The following GIPR variants were observed in gnomAD, a reference collection of about 807,000 sequenced individuals.
GIPR encodes the protein gastric inhibitory polypeptide receptor.
In GIPR, 74 loss-of-function variants were observed where a neutral mutation model predicts 62.2. That is an observed-to-expected ratio of 1.19 (90% CI 0.99 to 1.44). The LOEUF (loss-of-function observed/expected upper bound fraction) is 1.44, where lower values mean the gene tolerates loss of function less well. Among genes scored for constraint, GIPR ranks in the 40% most tolerant of loss-of-function variants. The probability of loss-of-function intolerance (pLI) is 0.00; values close to 1 mark genes in which losing one functional copy is unlikely to be tolerated. For synonymous variants in GIPR, 256 were observed against 262.2 expected, an observed-to-expected ratio of 0.98 and a Z score of 0.23; for missense variants, 664 against 611.8, an observed-to-expected ratio of 1.09 and a Z score of -0.90.
chr19:45,672,946 G>T lies in GIPR; in HGVS notation c.376G>T (p.Ala126Ser), dbSNP rs770058765. Residue 126 changes from alanine (A) to serine (S), a missense_variant, in exon 5 of 14, where the codon GCC becomes TCC. Transcript: ENST00000590918. ...TQCENPEKNE[A>S]FLDQRLILER... ...ATGTGAGAACCCAGAGAAGAATGAGGCCTTTCTGGTAAGAAGAGGTGAGGG... is the reference window on the plus strand; with the variant it reads ...ATGTGAGAACCCAGAGAAGAATGAGTCCTTTCTGGTAAGAAGAGGTGAGGG... 1.9e-6 allele frequency: 3 copies of T among 1,585,200 alleles called. No individual in the cohort carries two copies. The highest frequency in any genetic ancestry group is 2.6e-6 in the Non-Finnish European group (3 of 1,153,656).
intron 1 of GIPR, 123 bp from the exon 2 acceptor site, chr19:45,669,354 T>C: frequency 3.2e-6 from 3 of 941,388 alleles, no homozygotes; most frequent in Non-Finnish European, 4.8e-6. Flanking sequence ...GTGCGCTGCC[T>C]CGGAGTCCCG....
intron 12 of GIPR, among the ~76,000 whole-genome samples, chr19:45,679,770 C>T (rs1447415575): frequency 1.4e-5 from 2 of 145,894 alleles, no homozygotes; most frequent in Non-Finnish European, 3.1e-5. Flanking sequence ...TCACACTTGA[C>T]TAATTTTTTT....
intron 12 of GIPR, among the ~76,000 whole-genome samples, chr19:45,680,176 A>G (rs1967152052): frequency 6.6e-6 from 1 of 152,132 alleles, no homozygotes; most frequent in Admixed American, 6.6e-5. Context: ...AGCGTGACCA[A>G]CATGGAGAAA....
At position 45,683,139 on chromosome 19, in the gene GIPR, G is replaced by A. The variant is rs2146109109; in HGVS notation, c.*1204G>A. On this transcript the variant is annotated 3_prime_UTR_variant, in exon 14 of 14. Transcript: ENST00000590918. ...TAGAGAGATTGGGTTCGGGTAGGGG[G>A]AGAACCACGTGTGCTCTTTGGAAAG... 1 of 152,838 alleles carries A rather than the reference G, an allele frequency of 6.5e-6. No individual in the cohort carries two copies. Among genetic ancestry groups the A allele is most frequent in the South Asian group, 2.1e-4 (1 of 4,830 alleles). 9.5% of individuals were successfully genotyped at this position (152,838 alleles called of 1,614,324 possible). A position where few individuals can be genotyped will look rare whatever the true frequency, so the allele number is the denominator to read the frequency against.
At chr19:45,670,609 G>A (rs755998511) in intron 2 of GIPR, 26 bp from the exon 3 acceptor site, 2 of 1,546,562 alleles carry the variant, frequency 1.3e-6, no homozygotes, top group African/African-American at 1.4e-5. Flanking sequence ...CGGTCTGGGG[G>A]GGTCCTCCCT....
intron 4 of GIPR, among the ~76,000 whole-genome samples, chr19:45,671,733 G>A (rs140443876): frequency 2.6e-5 from 4 of 152,194 alleles, no homozygotes; most frequent in African/African-American, 9.6e-5. Context: ...CCGAGAAGCC[G>A]GGATTACAGA....
chr19:45,674,822 A>G lies in GIPR; in HGVS notation c.629A>G (p.Asn210Ser). 1 of 1,613,790 alleles carries G rather than the reference A, an allele frequency of 6.2e-7. No individual in the cohort carries two copies. Among genetic ancestry groups the G allele is most frequent in the Non-Finnish European group, 8.5e-7 (1 of 1,179,846 alleles). Reference sequence around the variant, plus strand: ...GGGGACCAGGCCCTTGCGCTGTGGAACCAGGTGGGCATCCTCCTTCCGTTC... The same window carrying G: ...GGGGACCAGGCCCTTGCGCTGTGGAGCCAGGTGGGCATCCTCCTTCCGTTC... ...YLGDQALALW[N>S]QALAACRTAQ... Residue 210 changes from asparagine (N) to serine (S), a missense_variant, in exon 7 of 14, where the codon AAC becomes AGC. Coordinates refer to ENST00000590918, the MANE Select transcript of GIPR (RefSeq NM_000164.4).
intron 4 of GIPR, 83 bp from the exon 5 acceptor site, chr19:45,672,766 CCT>C (rs1490624412): frequency 3.8e-6 from 3 of 796,080 alleles, no homozygotes; most frequent in Admixed American, 1.9e-5. Context: ...CGGCTCTCTC[CCT>C]CTCTGTTATT....
chr19:45,677,276 G>A, intron 8 of GIPR, 47 bp from the exon 9 acceptor site: 1 of 1,421,166 alleles, frequency 7.0e-7, no homozygotes, highest in Non-Finnish European at 9.6e-7. Context: ...CCGTGAGCGC[G>A]CTGACAGCTG....
At chr19:45,676,868 G>A in intron 7 of GIPR, 81 bp from the exon 8 acceptor site, 5 of 1,266,982 alleles carry the variant, frequency 3.9e-6, no homozygotes, top group South Asian at 1.2e-5. Context: ...AGACGGGGTG[G>A]AAGGGCGATC....
At chr19:45,670,763 G>A (rs763260665) in intron 3 of GIPR, 29 bp downstream of exon 3, 5 of 1,364,946 alleles carry the variant, frequency 3.7e-6, no homozygotes, top group Non-Finnish European at 5.2e-6. Context: ...GGGACGCGGG[G>A]AGGACCTGAG....
intron 1 of GIPR, 69 bp from the exon 2 acceptor site, chr19:45,669,408 C>G: frequency 6.8e-7 from 1 of 1,461,288 alleles, no homozygotes; most frequent in Non-Finnish European, 9.2e-7. Context: ...GTGTGAATCC[C>G]TGAGGCGGGG....
At chr19:45,668,854 T>G (rs1055165699) in intron 1 of GIPR, among the ~76,000 whole-genome samples, 15 of 152,354 alleles carry the variant, frequency 9.8e-5, no homozygotes, top group Non-Finnish European at 1.8e-4. Flanking sequence ...GTTGTTCCAC[T>G]TACTCTGGGC....
intron 12 of GIPR, among the ~76,000 whole-genome samples, chr19:45,680,567 C>T (rs776661952): frequency 1.7e-4 from 25 of 151,394 alleles, no homozygotes; most frequent in Non-Finnish European, 3.4e-4. Flanking sequence ...CGTTGGCTCA[C>T]GTCTGTAATC....
chr19:45,681,658 C>A lies in GIPR; in HGVS notation c.1194+13C>A, dbSNP rs757190756. ...CATCAACAAGGAGGTAGGCAGAGAC[C>A]CGGCCGCCGCCCCCGCCCTCTGGCG... On this transcript the variant is annotated intron_variant, in intron 13 of 13. Transcript: ENST00000590918. 3 of 1,613,278 alleles carry A rather than the reference C, an allele frequency of 1.9e-6. No homozygotes were observed. Among genetic ancestry groups the A allele is most frequent in the Non-Finnish European group, 2.5e-6 (3 of 1,179,642 alleles).
intron 4 of GIPR, 77 bp from the exon 5 acceptor site, chr19:45,672,773 GT>G (rs1166133205): frequency 1.2e-6 from 1 of 843,970 alleles, no homozygotes; most frequent in Non-Finnish European, 2.0e-6. Flanking sequence ...CTCCCTCTCT[GT>G]TATTGTCTCA....
intron 7 of GIPR, among the ~76,000 whole-genome samples, chr19:45,676,073 C>A (rs1036305231): frequency 6.6e-6 from 1 of 151,700 alleles, no homozygotes; most frequent in African/African-American, 2.4e-5. Context: ...GCATGGGGCA[C>A]ATGCCTGTAG....
At chr19:45,675,717 C>T (rs1325113982) in intron 7 of GIPR, among the ~76,000 whole-genome samples, 1 of 151,492 alleles carries the variant, frequency 6.6e-6, no homozygotes, top group African/African-American at 2.4e-5. Flanking sequence ...CAAAACCCCA[C>T]CTCTACAAAA....
intron 4 of GIPR, among the ~76,000 whole-genome samples, chr19:45,671,877 T>C: frequency 6.6e-6 from 1 of 151,794 alleles, no homozygotes; most frequent in East Asian, 2.0e-4. Flanking sequence ...CGGCCTTGGC[T>C]TCCCAAAGTT....
Sources: gnomAD v4.1 joint callset for allele counts (sites outside exome capture counted in the v4.1 genomes callset) on GRCh38, gnomAD v4.1.1 for gene constraint, MANE v1.5 for transcripts, NCBI Gene and HGNC (gene_info 2026-07-23, HGNC 2026-07-21) for gene names.